Variants in PDLIM2 observed in about 807,000 individuals in gnomAD.
PDLIM2 encodes PDZ and LIM domain protein 2.
PDLIM2 carries 51 observed loss-of-function variants against 54.1 expected under a neutral mutation model. The ratio of observed to expected loss-of-function variants is 0.94; its 90% CI spans 0.75 to 1.19. The LOEUF is 1.19. Ranked by LOEUF, PDLIM2 falls within the 50% of genes most tolerant of loss-of-function variation. The pLI, the probability that PDLIM2 is intolerant of heterozygous loss-of-function variation, is 0.00. For missense variants in PDLIM2, 912 were observed against 874.0 expected (o/e 1.04, Z -0.55); for synonymous variants, 398 against 385.6 (o/e 1.03, Z -0.38).
chr8:22,593,786 C>T (rs958248299), exon 10 of PDLIM2: 3 of 1,605,496 alleles, frequency 1.9e-6, no homozygotes, highest in South Asian at 1.1e-5. Context: ...GGCTGCTACA[C>T]CTGTGCCGAC....
chr8:22,585,622 G>C, intron 6 of PDLIM2: 1 of 52,842 alleles, frequency 1.9e-5, no homozygotes. Context: ...CCAGTAGCCC[G>C]TCCATCTCCT....
exon 7 of PDLIM2, chr8:22,589,313 G>A (rs770593779): frequency 7.2e-6 from 11 of 1,534,064 alleles, no homozygotes; most frequent in South Asian, 3.6e-5. Context: ...CCTCGGCCGC[G>A]CTGGCGACTC....
At chr8:22,592,038 C>CATTTTTCCT in intron 9 of PDLIM2, 1 of 146,848 alleles carries the variant, frequency 6.8e-6, no homozygotes, top group Admixed American at 7.1e-5. Context: ...GATGTGGGCT[C>CATTTTTCCT]ATTTTTCTTA....
intron 7 of PDLIM2, 26 bp from the exon 7 acceptor site, chr8:22,589,570 A>C (rs748546993): frequency 5.7e-6 from 9 of 1,592,142 alleles, no homozygotes; most frequent in Non-Finnish European, 7.7e-6. Context: ...CGGGACCCTC[A>C]TTCCTGGCTG....
intron 3 of PDLIM2, among the ~76,000 whole-genome samples, chr8:22,583,283 C>T (rs938317170): frequency 6.6e-6 from 1 of 151,980 alleles, no homozygotes; most frequent in Non-Finnish European, 1.5e-5. Context: ...CGGGTCTCGC[C>T]CTTTGTTTAA....
chr8:22,589,750 C>A lies in PDLIM2; in HGVS notation c.1513+9C>A, dbSNP rs373926804. ...GGAGGCTGAGGAGAGAGGTGAGGGTCTGGGGGGCTGGGGAGGGGAAGGAGG... is the reference window on the plus strand; with the variant it reads ...GGAGGCTGAGGAGAGAGGTGAGGGTATGGGGGGCTGGGGAGGGGAAGGAGG... On this transcript the variant is annotated intron_variant, in intron 8 of 9. Transcript: ENST00000308354. 45 of 1,559,212 alleles carry A rather than the reference C, an allele frequency of 2.9e-5. No homozygotes were observed. The highest frequency in any genetic ancestry group is 1.7e-4 in the Middle Eastern group (1 of 6,022).
intron 6 of PDLIM2, among the ~76,000 whole-genome samples, chr8:22,585,887 C>G (rs1367660899): frequency 6.6e-6 from 1 of 151,408 alleles, no homozygotes; most frequent in Non-Finnish European, 1.5e-5. Flanking sequence ...GCCTTGAGCG[C>G]TCTTGGCTTA....
chr8:22,594,070 C>T (rs1563879714), exon 10 of PDLIM2: 1 of 1,439,280 alleles, frequency 6.9e-7, no homozygotes, highest in Non-Finnish European at 9.1e-7. Context: ...TGGGACCTGT[C>T]TTGGACTGTG....
chr8:22,581,515 G>GGCTGCA (rs751319484), exon 3 of PDLIM2: 1 of 1,586,046 alleles, frequency 6.3e-7, no homozygotes, highest in South Asian at 1.1e-5. Flanking sequence ...TCGCCCCTGC[G>GGCTGCA]GCTGCAGCTG....
rs535456047 is a variant in PDLIM2 at position 22,586,079 on chromosome 8, G to C, written c.1290+680G>C. Among the ~76,000 whole-genome samples the C allele has an allele frequency of 3.5e-4, 53 of 152,260 alleles. 1 individual carries two copies. Among genetic ancestry groups the C allele is most frequent in the Admixed American group, 3.1e-3 (47 of 15,308 alleles). ...GGGCCGCAGCTGCTGGGGACGGCGT[G>C]GGGGGCACGTCCAGCCTTTGGGGTG... On this transcript the variant is annotated intron_variant, in intron 6 of 9. Coordinates refer to ENST00000308354, the Ensembl canonical transcript of PDLIM2.
At chr8:22,585,447 C>T (rs1157080141) in intron 6 of PDLIM2, 48 bp downstream of exon 5, 9 of 1,539,356 alleles carry the variant, frequency 5.8e-6, no homozygotes, top group East Asian at 4.8e-5. Context: ...AAGCACCTCC[C>T]GTTCCTGTGG....
intron 1 of PDLIM2, chr8:22,579,545 C>A: frequency 1.4e-6 from 2 of 1,445,982 alleles, no homozygotes; most frequent in Non-Finnish European, 9.1e-7. Context: ...AATCTCGGGG[C>A]GGCCGCGAGC....
exon 4 of PDLIM2, chr8:22,584,831 A>T (rs765198224): frequency 1.9e-6 from 3 of 1,614,102 alleles, no homozygotes; most frequent in Non-Finnish European, 2.5e-6. Context: ...GTCTCAGGCT[A>T]CGTCTCCAGG....
chr8:22,590,345 G>A (rs6558162), intron 8 of PDLIM2: 5,234 of 153,886 alleles, frequency 0.034, 161 homozygotes, highest in African/African-American at 0.083. Context: ...CCAGAGTTCC[G>A]TTATTCATGT....
At chr8:22,591,773 A>G in intron 9 of PDLIM2, 105 bp downstream of exon 8, 1 of 1,064,114 alleles carries the variant, frequency 9.4e-7, no homozygotes. Flanking sequence ...AGGGGCTAGC[A>G]CTGGGTACCC....
chr8:22,593,636 C>T (rs1421986368), intron 9 of PDLIM2, 97 bp from the exon 9 acceptor site: 8 of 1,079,394 alleles, frequency 7.4e-6, no homozygotes, highest in East Asian at 2.7e-5. Flanking sequence ...GGGCTCCACC[C>T]AGGTCCTGAT....
At chr8:22,589,310 C>T (rs769206066) in exon 7 of PDLIM2, 129 of 1,534,090 alleles carry the variant, frequency 8.4e-5, no homozygotes, top group South Asian at 1.3e-4. Context: ...CGGCCTCGGC[C>T]GCGCTGGCGA....
chr8:22,586,357 A>G (rs1800382768), intron 6 of PDLIM2, among the ~76,000 whole-genome samples: 3 of 152,210 alleles, frequency 2.0e-5, no homozygotes, highest in Non-Finnish European at 2.9e-5. Flanking sequence ...TTGAAGATGC[A>G]GTTGTAGAGA....
At chr8:22,578,991 C>T (rs913820238) in exon 1 of PDLIM2, 1 of 1,242,426 alleles carries the variant, frequency 8.0e-7, no homozygotes, top group Non-Finnish European at 1.0e-6. Context: ...CCTCATCCCC[C>T]CGGCGGGCTC....
Sources: allele counts gnomAD v4.1 joint callset (sites outside exome capture counted in the v4.1 genomes callset), GRCh38; gene constraint gnomAD v4.1.1; transcripts MANE v1.5; gene names NCBI Gene and HGNC (gene_info 2026-07-23, HGNC 2026-07-21).